Variants in IGHMBP2 observed in about 807,000 individuals in gnomAD.
IGHMBP2 encodes the protein immunoglobulin mu DNA binding protein 2.
A neutral mutation model predicts 96.0 loss-of-function variants in IGHMBP2; 81 were observed. The observed-to-expected ratio is 0.84, with a 90% CI of 0.71 to 1.01. The LOEUF (loss-of-function observed/expected upper bound fraction) is 1.01, where lower values mean the gene tolerates loss of function less well. IGHMBP2 is among the 50% of genes least tolerant of loss of function. The probability of loss-of-function intolerance (pLI) is 0.00; values close to 1 mark genes in which losing one functional copy is unlikely to be tolerated. For synonymous variants in IGHMBP2, 557 were observed against 548.9 expected, an observed-to-expected ratio of 1.01 and a Z score of -0.21; for missense variants, 1,227 against 1,306.3, an observed-to-expected ratio of 0.94 and a Z score of 0.94.
rs1859615637 is a variant in IGHMBP2, at chr11:68,937,966, T to C, written c.2612-216T>C. The stretch of plus-strand genomic sequence containing the variant: ...GACACATGAGCTGCTTTTTAATTTT[T>C]TTTAGAATTAATAGAGACGGGGTCT... On this transcript the variant is annotated intron_variant, in intron 13 of 14. Coordinates refer to ENST00000255078, the MANE Select transcript of IGHMBP2 (RefSeq NM_002180.3). The C allele has an allele frequency of 1.3e-5, 8 of 593,350 alleles. No homozygotes were observed. In the East Asian group the frequency reaches 2.3e-4, roughly 17 times the overall value. 36.8% of individuals were successfully genotyped at this position (593,350 alleles called of 1,614,324 possible).
intron 8 of IGHMBP2, among the ~76,000 whole-genome samples, chr11:68,929,567 C>T (rs1418490778): frequency 6.6e-6 from 1 of 152,238 alleles, no homozygotes; most frequent in Non-Finnish European, 1.5e-5. Context: ...GCATCACCTT[C>T]ATCTTTGTAG....
At chr11:68,914,243 C>G (rs1858558216) in intron 5 of IGHMBP2, among the ~76,000 whole-genome samples, 1 of 152,042 alleles carries the variant, frequency 6.6e-6, no homozygotes, top group South Asian at 2.1e-4. Flanking sequence ...GCCGGTTTCT[C>G]CATGATCCTG....
At chr11:68,915,072 A>C in intron 6 of IGHMBP2, 49 bp downstream of exon 6, 1 of 1,471,980 alleles carries the variant, frequency 6.8e-7, no homozygotes, top group South Asian at 1.1e-5. Context: ...TCTGATCTGC[A>C]GTCTTTTTAA....
rs1312545588 is a variant in IGHMBP2 at position 68,906,245 on chromosome 11, G to A, written c.256+7G>A. On this transcript the variant is annotated splice_region_variant and intron_variant, in intron 2 of 14. Coordinates refer to ENST00000255078, the MANE Select transcript of IGHMBP2 (RefSeq NM_002180.3). Reference sequence around the variant, plus strand: ...AGTAACAGCTTTACTTCTGGTGTGTGCGTATTGACCTAGACAGACATTGAA... The same window carrying A: ...AGTAACAGCTTTACTTCTGGTGTGTACGTATTGACCTAGACAGACATTGAA... 6.2e-7 allele frequency: 1 copy of A among 1,613,800 alleles called. No individual in the cohort carries two copies. Among genetic ancestry groups the A allele is most frequent in the Non-Finnish European group, 8.5e-7 (1 of 1,179,916 alleles).
intron 13 of IGHMBP2, 118 bp downstream of exon 13, chr11:68,937,209 G>A (rs948318595): frequency 3.5e-5 from 45 of 1,303,204 alleles, no homozygotes; most frequent in Middle Eastern, 2.6e-4. Context: ...CACCGTGCCC[G>A]TGTCATTTTA....
At position 68,906,350 on chromosome 11, in the gene IGHMBP2, A is replaced by G; in HGVS notation, c.256+112A>G. ...ACCAGTTGGAGAATAAAGCGTTGCA[A>G]TGAAGAACTCTTAATCAGAAGTCCA... On this transcript the variant is annotated intron_variant, in intron 2 of 14. Coordinates refer to ENST00000255078, the MANE Select transcript of IGHMBP2 (RefSeq NM_002180.3). 11 of 1,159,510 alleles carry G rather than the reference A, an allele frequency of 9.5e-6. 1 individual carries two copies. The South Asian group carries it at 1.2e-4, about 13-fold the overall frequency. 71.8% of individuals were successfully genotyped at this position (1,159,510 alleles called of 1,614,324 possible). A position where few individuals can be genotyped will look rare whatever the true frequency, so the allele number is the denominator to read the frequency against.
At chr11:68,922,014 T>C (rs1475722050) in intron 7 of IGHMBP2, among the ~76,000 whole-genome samples, 1 of 152,210 alleles carries the variant, frequency 6.6e-6, no homozygotes, top group East Asian at 1.9e-4. Flanking sequence ...ATGTAACGTG[T>C]CTTTTTTCTT....
chr11:68,930,415 G>A, intron 8 of IGHMBP2: 6 of 1,289,734 alleles, frequency 4.7e-6, no homozygotes, highest in Non-Finnish European at 5.1e-6. Context: ...CAGGGGCGTG[G>A]GCAGCCCAGG....
intron 5 of IGHMBP2, among the ~76,000 whole-genome samples, chr11:68,913,285 T>C (rs1858517469): frequency 2.0e-5 from 3 of 152,110 alleles, no homozygotes; most frequent in Non-Finnish European, 4.4e-5. Context: ...TGGTTTTAAT[T>C]GGGTGCCGAC....
intron 8 of IGHMBP2, chr11:68,930,012 C>T: frequency 1.8e-6 from 2 of 1,091,932 alleles, no homozygotes; most frequent in African/African-American, 3.4e-5. Flanking sequence ...ACCCAGCACT[C>T]ACTGCTTCAG....
chr11:68,904,437 C>T (rs1031038897), intron 1 of IGHMBP2, among the ~76,000 whole-genome samples: 6 of 152,004 alleles, frequency 3.9e-5, no homozygotes, highest in African/African-American at 9.7e-5. Flanking sequence ...GCCCCCGATC[C>T]GGCCAGCGGC....
At chr11:68,927,291 G>C (rs934035680) in intron 7 of IGHMBP2, among the ~76,000 whole-genome samples, 2 of 152,090 alleles carry the variant, frequency 1.3e-5, no homozygotes, top group Non-Finnish European at 2.9e-5. Flanking sequence ...TTTGTCTTGC[G>C]TGGCCACTAA....
In IGHMBP2 at chr11:68,938,166, C is replaced by T. The variant is rs200337900; in HGVS notation, c.2612-16C>T. Reference sequence around the variant, plus strand: ...GTTGTCTTTCCGTTTGCCTGAGTGACGCGGGTCTTCTCCAGGACATCCGGC... The same window carrying T: ...GTTGTCTTTCCGTTTGCCTGAGTGATGCGGGTCTTCTCCAGGACATCCGGC... On this transcript the variant is annotated splice_polypyrimidine_tract_variant and intron_variant, in intron 13 of 14. Transcript: ENST00000255078. The T allele has an allele frequency of 1.4e-4, 221 of 1,613,748 alleles. No individual in the cohort carries two copies. Among genetic ancestry groups the T allele is most frequent in the South Asian group, 3.3e-4 (30 of 91,082 alleles).
Position 68,940,023 on chromosome 11 carries a change from C to A in IGHMBP2, c.*292C>A. The stretch of plus-strand genomic sequence containing the variant: ...AAACCCACATCCCAGCCTCTGGATC[C>A]TGGGGAAGGTTCCAGTCCCTGGAGA... On this transcript the variant is annotated 3_prime_UTR_variant, in exon 15 of 15. Coordinates refer to ENST00000255078, the MANE Select transcript of IGHMBP2 (RefSeq NM_002180.3). 2.2e-6 allele frequency: 1 copy of A among 461,260 alleles called. No individual in the cohort carries two copies. Among genetic ancestry groups the A allele is most frequent in the Middle Eastern group, 5.8e-4 (1 of 1,710 alleles). 28.6% of individuals were successfully genotyped at this position (461,260 alleles called of 1,614,324 possible).
chr11:68,932,685 T>TGG, intron 8 of IGHMBP2: 2 of 160,484 alleles, frequency 1.2e-5, no homozygotes, highest in East Asian at 1.8e-4. Flanking sequence ...TTGGAGTGTG[T>TGG]TCGTTCCCTG....
At chr11:68,914,770 T>C (rs1858581544) in intron 5 of IGHMBP2, 53 bp from the exon 6 acceptor site, 1 of 1,589,142 alleles carries the variant, frequency 6.3e-7, no homozygotes, top group African/African-American at 1.3e-5. Flanking sequence ...TAGTGTCAAC[T>C]TCAGTGGTTT....
intron 4 of IGHMBP2, among the ~76,000 whole-genome samples, chr11:68,910,306 C>T (rs994795378): frequency 6.6e-6 from 1 of 152,190 alleles, no homozygotes; most frequent in African/African-American, 2.4e-5. Context: ...CTGAAGGGCT[C>T]CTATGCGTCA....
At position 68,937,028 on chromosome 11, in the gene IGHMBP2, A is replaced by G. The variant is rs763406969; in HGVS notation, c.2548A>G (p.Ser850Gly). 9.3e-6 allele frequency: 15 copies of G among 1,607,716 alleles called. No homozygotes were observed. The highest frequency in any genetic ancestry group is 1.3e-5 in the Non-Finnish European group (15 of 1,179,934). Residue 850 changes from serine to glycine, a missense_variant, in exon 13 of 15, where the codon AGC (serine) becomes GGC (glycine). By Grantham distance (56) the Ser-to-Gly change is moderately conservative. Transcript: ENST00000255078. The stretch of plus-strand genomic sequence containing the variant: ...CAGGAGCGCGCAGGGGCAGCCCGCC[A>G]GCAAGGAGCAGCAGGCCTCAGGGCA... ...RVRSAQGQPA[S>G]KEQQASGQQK...
intron 1 of IGHMBP2, among the ~76,000 whole-genome samples, chr11:68,905,059 G>C (rs1480368190): frequency 6.6e-6 from 1 of 152,194 alleles, no homozygotes; most frequent in East Asian, 1.9e-4. Context: ...GCCTCCCAAA[G>C]TGTTGGGATT....
Sources: gnomAD v4.1 joint callset for allele counts (sites outside exome capture counted in the v4.1 genomes callset) on GRCh38, gnomAD v4.1.1 for gene constraint, MANE v1.5 for transcripts, NCBI Gene and HGNC (gene_info 2026-07-23, HGNC 2026-07-21) for gene names.